Variants in XPO4 observed in about 807,000 individuals in gnomAD.
XPO4 encodes exportin 4.
In XPO4, 39 loss-of-function variants were observed where a neutral mutation model predicts 143.0. The ratio of observed to expected loss-of-function variants is 0.27; its 90% CI spans 0.21 to 0.36. The LOEUF (loss-of-function observed/expected upper bound fraction) is 0.36, where lower values mean the gene tolerates loss of function less well. XPO4 is among the 10% of genes least tolerant of loss of function. XPO4 has a pLI of 1.00. For synonymous variants in XPO4, 439 were observed against 474.0 expected (o/e 0.93, Z 0.96); for missense variants, 907 against 1,348.0 (o/e 0.67, Z 5.12).
intron 6 of XPO4, among the ~76,000 whole-genome samples, chr13:20,841,555 C>G (rs1358470847): frequency 3.3e-5 from 5 of 152,024 alleles, no homozygotes; most frequent in Admixed American, 3.3e-4. Flanking sequence ...CAGTGACTGA[C>G]CTTACTGTAA....
At chr13:20,844,853 A>G (rs1257340867) in intron 4 of XPO4, among the ~76,000 whole-genome samples, 1 of 152,242 alleles carries the variant, frequency 6.6e-6, no homozygotes, top group Non-Finnish European at 1.5e-5. Flanking sequence ...TCCATTTTGT[A>G]TATGTCTGAA....
chr13:20,858,070 C>G (rs774895265), intron 3 of XPO4: 13 of 798,106 alleles, frequency 1.6e-5, no homozygotes, highest in Non-Finnish European at 2.0e-5. Flanking sequence ...ATACAAATAT[C>G]TGTGTCATGA....
intron 19 of XPO4, among the ~76,000 whole-genome samples, chr13:20,789,752 G>A (rs931531885): frequency 8.0e-6 from 1 of 124,940 alleles, no homozygotes; most frequent in African/African-American, 2.7e-5. Context: ...TCTTTATCTC[G>A]TGTGTGTGTG....
chr13:20,858,537 C>T (rs1469435399), intron 3 of XPO4, among the ~76,000 whole-genome samples: 18 of 152,074 alleles, frequency 1.2e-4, no homozygotes, highest in Admixed American at 1.2e-3. Flanking sequence ...CTGGGCAACA[C>T]AGCAAGACTC....
intron 1 of XPO4, among the ~76,000 whole-genome samples, chr13:20,876,264 GAAAAAAAA>G (rs35708026): frequency 1.2e-5 from 1 of 81,930 alleles, no homozygotes; most frequent in African/African-American, 4.7e-5. Flanking sequence ...CTCCATCTCG[GAAAAAAAA>G]AAAAAAAAAA....
At chr13:20,881,497 C>A (rs181895772) in intron 1 of XPO4, among the ~76,000 whole-genome samples, 1 of 152,058 alleles carries the variant, frequency 6.6e-6, no homozygotes, top group Admixed American at 6.6e-5. Context: ...GCCTCGATCT[C>A]CTGACCTCAT....
At chr13:20,858,047 G>C in intron 3 of XPO4, 1 of 890,182 alleles carries the variant, frequency 1.1e-6, no homozygotes, top group Non-Finnish European at 1.3e-6. Context: ...CACACTGTAG[G>C]GCATTCTACA....
intron 7 of XPO4, among the ~76,000 whole-genome samples, chr13:20,824,742 G>A (rs73437419): frequency 0.059 from 8,970 of 152,200 alleles, 788 homozygotes; most frequent in African/African-American, 0.19. Flanking sequence ...GAGGGATAAG[G>A]GAAAGCAAAG....
At chr13:20,850,934 T>C in intron 4 of XPO4, 1 of 985,424 alleles carries the variant, frequency 1.0e-6, no homozygotes, top group Non-Finnish European at 1.2e-6. Flanking sequence ...CAACCCTTTC[T>C]TCATCTACAG....
At chr13:20,854,075 T>C (rs2060116954) in intron 4 of XPO4, among the ~76,000 whole-genome samples, 1 of 152,078 alleles carries the variant, frequency 6.6e-6, no homozygotes, top group African/African-American at 2.4e-5. Flanking sequence ...TAGACAGACA[T>C]AGTAATGCAT....
intron 1 of XPO4, among the ~76,000 whole-genome samples, chr13:20,884,772 C>T (rs564476181): frequency 6.6e-6 from 1 of 152,144 alleles, no homozygotes; most frequent in African/African-American, 2.4e-5. Context: ...ATCACTTGAG[C>T]CCAAACGTTT....
chr13:20,822,964 C>T (rs1267321332), intron 7 of XPO4, among the ~76,000 whole-genome samples: 1 of 152,090 alleles, frequency 6.6e-6, no homozygotes, highest in African/African-American at 2.4e-5. Flanking sequence ...CATGAAACAC[C>T]TGGTAGAGTG....
At chr13:20,852,652 GATT>G (rs1478015986) in intron 4 of XPO4, 2 of 967,012 alleles carry the variant, frequency 2.1e-6, no homozygotes, top group East Asian at 2.3e-4. Context: ...TTTAAATAAT[GATT>G]ATGAATATTT....
Position 20,821,848 on chromosome 13 carries a change from C to T in XPO4, c.1029G>A (p.Gly343=), listed in dbSNP as rs1289290649. The T allele has an allele frequency of 7.4e-6, 12 of 1,613,792 alleles. No homozygotes were observed. Among genetic ancestry groups the T allele is most frequent in the African/African-American group, 1.3e-5 (1 of 75,052 alleles). ...TCAGGTTGCTGATAATGCTGGAGAT[C>T]CCCACAGCTTCAGAATCTTCTATTT... ...GIEIEDSEAV[G]ISSIISNLIT... Residue 343 remains glycine, a synonymous_variant, in exon 9 of 23, where the codon GGG becomes GGA. Transcript: ENST00000255305.
chr13:20,870,684 C>T (rs375533386), intron 1 of XPO4, among the ~76,000 whole-genome samples: 8 of 150,862 alleles, frequency 5.3e-5, no homozygotes, highest in African/African-American at 9.7e-5. Context: ...GAGTCAAGAT[C>T]GCGCCACTGC....
intron 1 of XPO4, 124 bp downstream of exon 1, chr13:20,902,546 C>T: frequency 4.5e-6 from 6 of 1,322,960 alleles, no homozygotes; most frequent in Non-Finnish European, 5.8e-6. Context: ...GCCACCTCCT[C>T]CTCCACTTCC....
chr13:20,858,920 GTGTATATA>G (rs2060169762), intron 3 of XPO4, among the ~76,000 whole-genome samples: 2 of 16,358 alleles, frequency 1.2e-4, no homozygotes. Context: ...ATATGTGTGT[GTGTATATA>G]TATATATATA....
intron 7 of XPO4, among the ~76,000 whole-genome samples, chr13:20,824,816 G>A (rs1056145699): frequency 1.3e-5 from 2 of 152,192 alleles, no homozygotes; most frequent in Admixed American, 1.3e-4. Context: ...AGACAAGGAA[G>A]GAGAAGCAAG....
intron 3 of XPO4, among the ~76,000 whole-genome samples, 160 bp downstream of exon 3, chr13:20,862,557 G>T (rs1268387067): frequency 6.6e-6 from 1 of 151,642 alleles, no homozygotes; most frequent in Non-Finnish European, 1.5e-5. Context: ...CAAACTCCTG[G>T]GCTCAAGGAG....
Sources: gnomAD v4.1 joint callset for allele counts (sites outside exome capture counted in the v4.1 genomes callset) on GRCh38, gnomAD v4.1.1 for gene constraint, MANE v1.5 for transcripts, NCBI Gene and HGNC (gene_info 2026-07-23, HGNC 2026-07-21) for gene names.